SLC30A8: variants seen among roughly 807,000 people sequenced by gnomAD.
SLC30A8 encodes the protein proton-coupled zinc antiporter SLC30A8.
A neutral mutation model predicts 36.9 loss-of-function variants in SLC30A8; 27 were observed. The observed-to-expected ratio is 0.73, with a 90% CI of 0.54 to 1.01. The LOEUF is 1.01. Ranked by LOEUF, SLC30A8 falls within the 50% of genes least tolerant of loss-of-function variation. The pLI is 0.00. For synonymous variants in SLC30A8, 164 were observed against 172.4 expected, an observed-to-expected ratio of 0.95 and a Z score of 0.38; for missense variants, 439 against 452.0, an observed-to-expected ratio of 0.97 and a Z score of 0.26.
chr8:117,147,015 C>A lies in SLC30A8; in HGVS notation c.133C>A (p.Leu45Met), dbSNP rs148043363. Residue 45 changes from leucine to methionine, a missense_variant, in exon 2 of 8, where the codon CTG becomes ATG. Physicochemically the swap from Leu to Met is conservative, Grantham distance 15. Transcript: ENST00000456015. Reference sequence around the variant, plus strand: ...GTGTCCCAGAGAGAGACCAGAGGAGCTGGAGTCAGGAGGCATGTACCACTG... The same window carrying A: ...GTGTCCCAGAGAGAGACCAGAGGAGATGGAGTCAGGAGGCATGTACCACTG... ...DQCPRERPEE[L>M]ESGGMYHCHS... is the part of the protein sequence containing the mutation. 1,041 of 1,614,074 alleles carry A rather than the reference C, an allele frequency of 6.4e-4. No individual in the cohort carries two copies. Among genetic ancestry groups the A allele is most frequent in the Non-Finnish European group, 8.3e-4 (978 of 1,179,942 alleles).
intron 1 of SLC30A8, among the ~76,000 whole-genome samples, chr8:117,036,605 G>A (rs1817221221): frequency 1.3e-5 from 2 of 152,136 alleles, no homozygotes; most frequent in Admixed American, 1.3e-4. Context: ...CTTACATGGC[G>A]ACAGGCAAGA....
At chr8:117,092,054 G>T (rs533629345) in intron 2 of SLC30A8, among the ~76,000 whole-genome samples, 1 of 152,212 alleles carries the variant, frequency 6.6e-6, no homozygotes, top group East Asian at 1.9e-4. Flanking sequence ...AAAGGACAAC[G>T]CATCCTTCTT....
intron 1 of SLC30A8, among the ~76,000 whole-genome samples, chr8:116,960,208 C>T (rs1265509840): frequency 6.6e-6 from 1 of 152,156 alleles, no homozygotes; most frequent in Non-Finnish European, 1.5e-5. Context: ...GCTGAAGCTG[C>T]CTATCTCATC....
At chr8:117,026,249 A>G (rs1816867206) in intron 1 of SLC30A8, among the ~76,000 whole-genome samples, 1 of 152,222 alleles carries the variant, frequency 6.6e-6, no homozygotes. Flanking sequence ...CATTGCATGT[A>G]ATAACAATAT....
intron 1 of SLC30A8, among the ~76,000 whole-genome samples, chr8:116,964,530 A>C (rs1814533957): frequency 6.6e-6 from 1 of 152,144 alleles, no homozygotes; most frequent in African/African-American, 2.4e-5. Context: ...CTTTTAGGGG[A>C]GCTCATCATC....
At chr8:117,045,630 G>A (rs991251218) in intron 2 of SLC30A8, among the ~76,000 whole-genome samples, 7 of 150,016 alleles carry the variant, frequency 4.7e-5, no homozygotes, top group Non-Finnish European at 7.4e-5. Flanking sequence ...ATTTGAAGAA[G>A]CAACTTGGAG....
chr8:116,962,755 G>A (rs1438587303), intron 1 of SLC30A8, among the ~76,000 whole-genome samples: 1 of 151,982 alleles, frequency 6.6e-6, no homozygotes, highest in Non-Finnish European at 1.5e-5. Context: ...GCCCTGCAAA[G>A]CCCTGGTTTC....
chr8:117,032,081 C>T (rs746599139), intron 1 of SLC30A8, among the ~76,000 whole-genome samples: 8 of 152,262 alleles, frequency 5.3e-5, no homozygotes, highest in East Asian at 1.9e-4. Flanking sequence ...TAGCACCTTA[C>T]GCCTCAGCCC....
chr8:117,002,409 A>G (rs533923148), intron 1 of SLC30A8, among the ~76,000 whole-genome samples: 1 of 152,272 alleles, frequency 6.6e-6, no homozygotes, highest in Admixed American at 6.5e-5. Context: ...CTTTAAATAG[A>G]ACTGACAACC....
intron 2 of SLC30A8, among the ~76,000 whole-genome samples, chr8:117,078,449 C>T (rs1818559508): frequency 6.6e-6 from 1 of 152,038 alleles, no homozygotes; most frequent in Non-Finnish European, 1.5e-5. Flanking sequence ...GTGATTCTAA[C>T]TTTTGGCTAC....
At chr8:117,028,037 T>G (rs1016199423) in intron 1 of SLC30A8, among the ~76,000 whole-genome samples, 2 of 152,232 alleles carry the variant, frequency 1.3e-5, no homozygotes, top group African/African-American at 4.8e-5. Context: ...TCCCAAGGAC[T>G]CTAACTTTCT....
At chr8:117,100,622 G>A (rs780010655) in intron 2 of SLC30A8, among the ~76,000 whole-genome samples, 2 of 152,164 alleles carry the variant, frequency 1.3e-5, no homozygotes, top group Non-Finnish European at 2.9e-5. Context: ...GAGCAGATCA[G>A]GGTCTCCTGG....
chr8:116,964,593 A>G, intron 1 of SLC30A8, among the ~76,000 whole-genome samples: 1 of 152,228 alleles, frequency 6.6e-6, no homozygotes, highest in East Asian at 1.9e-4. Flanking sequence ...CTTTCTGAGA[A>G]TAACCCATTT....
At chr8:117,004,996 TA>T (rs924443875) in intron 1 of SLC30A8, among the ~76,000 whole-genome samples, 32 of 152,300 alleles carry the variant, frequency 2.1e-4, no homozygotes, top group South Asian at 1.0e-3. Context: ...ACAGCTTTAT[TA>T]ATATATAACT....
intron 2 of SLC30A8, among the ~76,000 whole-genome samples, chr8:117,116,115 G>GACCAGTGT (rs141625792): frequency 0.024 from 3,635 of 152,062 alleles, 106 homozygotes; most frequent in African/African-American, 0.065. Flanking sequence ...ATGACAATAG[G>GACCAGTGT]ACCAGTGTGG....
intron 1 of SLC30A8, among the ~76,000 whole-genome samples, chr8:117,004,892 G>C (rs940691745): frequency 6.6e-6 from 1 of 151,038 alleles, no homozygotes; most frequent in Non-Finnish European, 1.5e-5. Flanking sequence ...AGCATTTTTT[G>C]CAAAAATTTT....
At chr8:117,169,721 G>T (rs1823270929) in intron 6 of SLC30A8, among the ~76,000 whole-genome samples, 1 of 152,082 alleles carries the variant, frequency 6.6e-6, no homozygotes, top group Admixed American at 6.6e-5. Context: ...CAAAGGGGGA[G>T]AAGGCACGTC....
intron 1 of SLC30A8, among the ~76,000 whole-genome samples, chr8:117,003,380 C>G (rs920851832): frequency 1.2e-4 from 19 of 152,310 alleles, no homozygotes; most frequent in African/African-American, 4.3e-4. Flanking sequence ...AAGTTCTATA[C>G]TAGCTTACTG....
chr8:116,984,874 AT>A (rs564330635), intron 1 of SLC30A8, among the ~76,000 whole-genome samples: 1 of 151,774 alleles, frequency 6.6e-6, no homozygotes, highest in East Asian at 1.9e-4. Context: ...CCAATTTATA[AT>A]TTTTTTTCTT....
Sources: gnomAD v4.1 joint callset for allele counts (sites outside exome capture counted in the v4.1 genomes callset) on GRCh38, gnomAD v4.1.1 for gene constraint, MANE v1.5 for transcripts, NCBI Gene and HGNC (gene_info 2026-07-23, HGNC 2026-07-21) for gene names.